HERC3: variants seen among roughly 807,000 people sequenced by gnomAD.
HERC3 encodes the protein HECT and RLD domain containing E3 ubiquitin protein ligase 3.
HERC3 carries 58 observed loss-of-function variants against 129.9 expected under a neutral mutation model. The ratio of observed to expected loss-of-function variants is 0.45; its 90% confidence interval spans 0.36 to 0.56. The LOEUF (loss-of-function observed/expected upper bound fraction) is 0.56, where lower values mean the gene tolerates loss of function less well. HERC3 is among the 20% of genes least tolerant of loss of function. The pLI, the probability that HERC3 is intolerant of heterozygous loss-of-function variation, is 0.00. For synonymous variants in HERC3, 430 were observed against 451.0 expected (o/e 0.95, Z 0.59); for missense variants, 835 against 1,244.2 (o/e 0.67, Z 4.95).
chr4:88,584,871 C>G, the HERC3 span, among the ~76,000 whole-genome samples: 9 of 152,298 alleles, frequency 5.9e-5, no homozygotes, highest in African/African-American at 2.2e-4. Context: ...CCAGTTAATT[C>G]AAGAGGGATC....
At chr4:88,662,118 A>C (rs892237045) in intron 10 of HERC3, among the ~76,000 whole-genome samples, 3 of 152,172 alleles carry the variant, frequency 2.0e-5, no homozygotes, top group Non-Finnish European at 4.4e-5. Flanking sequence ...AGCCAGTCCC[A>C]TGAGGAGCAC....
intron 3 of HERC3, among the ~76,000 whole-genome samples, chr4:88,627,155 G>A (rs565875513): frequency 6.6e-6 from 1 of 151,872 alleles, no homozygotes; most frequent in Non-Finnish European, 1.5e-5. Context: ...TTGACACATG[G>A]GTTATGAGAA....
intron 18 of HERC3, 22 bp downstream of exon 18, chr4:88,676,445 T>C: frequency 6.6e-7 from 1 of 1,505,054 alleles, no homozygotes; most frequent in Non-Finnish European, 9.2e-7. Flanking sequence ...TAGAAATTAT[T>C]TCTTCTTTTT....
At chr4:88,615,704 A>G (rs1016486928) in intron 3 of HERC3, among the ~76,000 whole-genome samples, 2 of 152,194 alleles carry the variant, frequency 1.3e-5, no homozygotes, top group Non-Finnish European at 2.9e-5. Flanking sequence ...AAGATTTAAT[A>G]CATTGCCTAT....
At chr4:88,540,819 G>A in the HERC3 span, among the ~76,000 whole-genome samples, 1 of 152,118 alleles carries the variant, frequency 6.6e-6, no homozygotes, top group Non-Finnish European at 1.5e-5. Context: ...TTTCAATCCA[G>A]AATTTCATAT....
At chr4:88,533,934 T>A in the HERC3 span, among the ~76,000 whole-genome samples, 1 of 151,964 alleles carries the variant, frequency 6.6e-6, no homozygotes, top group Middle Eastern at 3.4e-3. Context: ...TCACCCAGGT[T>A]TCTTAGCTTC....
chr4:88,608,658 C>T (rs1723939667), intron 3 of HERC3, among the ~76,000 whole-genome samples: 1 of 152,158 alleles, frequency 6.6e-6, no homozygotes, highest in Non-Finnish European at 1.5e-5. Flanking sequence ...CATACTGGAA[C>T]AGATTAAAAA....
At chr4:88,622,890 C>T (rs540509276) in intron 3 of HERC3, among the ~76,000 whole-genome samples, 1 of 152,254 alleles carries the variant, frequency 6.6e-6, no homozygotes, top group East Asian at 1.9e-4. Flanking sequence ...AATTGCGTCA[C>T]TGCACTCCAG....
intron 23 of HERC3, chr4:88,692,948 C>T (rs984991061): frequency 6.2e-5 from 61 of 984,872 alleles, no homozygotes; most frequent in Non-Finnish European, 6.7e-5. Context: ...TTCAGGCTGA[C>T]TAGGTAATGT....
At chr4:88,657,525 C>T (rs1730043954) in intron 9 of HERC3, 1 of 152,146 alleles carries the variant, frequency 6.6e-6, no homozygotes, top group South Asian at 2.1e-4. Flanking sequence ...GAAAGTTTAC[C>T]AACTCAGGTG....
chr4:88,571,188 T>C, the HERC3 span, among the ~76,000 whole-genome samples: 2 of 152,156 alleles, frequency 1.3e-5, no homozygotes, highest in Non-Finnish European at 2.9e-5. Context: ...CCTGCCTCAG[T>C]CTCTCAAGTG....
Position 88,625,276 on chromosome 4 carries a change from A to G in HERC3, c.226+19227A>G, listed in dbSNP as rs1050775458. ...AGAATTGCACTGAATCTGTGGATCAATTTGGGGAGAATTTACATTTTAACA... is the reference window on the plus strand; with the variant it reads ...AGAATTGCACTGAATCTGTGGATCAGTTTGGGGAGAATTTACATTTTAACA... On this transcript the variant is annotated intron_variant, in intron 3 of 25. Transcript: ENST00000402738. 7.2e-5 allele frequency among the ~76,000 whole-genome samples: 11 copies of G among 152,288 alleles called. No homozygotes were observed. In the South Asian group the frequency reaches 8.3e-4, roughly 11 times the overall value.
At chr4:88,610,855 A>G (rs934160784) in intron 3 of HERC3, among the ~76,000 whole-genome samples, 1 of 152,230 alleles carries the variant, frequency 6.6e-6, no homozygotes. Flanking sequence ...TGCAGCTCCA[A>G]GGAGCTAATG....
intron 3 of HERC3, among the ~76,000 whole-genome samples, chr4:88,628,479 C>T (rs1273189614): frequency 6.6e-6 from 1 of 151,932 alleles, no homozygotes; most frequent in South Asian, 2.1e-4. Flanking sequence ...CCACATTCAT[C>T]CAACCTGACT....
At chr4:88,643,419 A>G (rs1213527053) in intron 3 of HERC3, among the ~76,000 whole-genome samples, 2 of 152,226 alleles carry the variant, frequency 1.3e-5, no homozygotes, top group East Asian at 3.8e-4. Flanking sequence ...AAGGTAAAGG[A>G]TCTAGAATAC....
At chr4:88,619,045 G>A (rs1386276644) in intron 3 of HERC3, among the ~76,000 whole-genome samples, 1 of 152,130 alleles carries the variant, frequency 6.6e-6, no homozygotes, top group African/African-American at 2.4e-5. Context: ...AGACTGGAGG[G>A]AGCCAGAGAC....
chr4:88,597,144 A>T (rs1349722789), intron 2 of HERC3, among the ~76,000 whole-genome samples: 1 of 152,206 alleles, frequency 6.6e-6, no homozygotes, highest in East Asian at 1.9e-4. Flanking sequence ...ATCTTGGTGC[A>T]TATGTTCATG....
chr4:88,570,840 G>A, the HERC3 span, among the ~76,000 whole-genome samples: 20 of 151,748 alleles, frequency 1.3e-4, no homozygotes, highest in East Asian at 1.9e-4. Context: ...TGCAAGCTCC[G>A]CCTCCCGGGT....
chr4:88,564,405 G>A, the HERC3 span, among the ~76,000 whole-genome samples: 1 of 152,176 alleles, frequency 6.6e-6, no homozygotes, highest in Non-Finnish European at 1.5e-5. Flanking sequence ...GCCATCAAGT[G>A]TCAGGCTAAT....
Sources: gnomAD v4.1 joint callset for allele counts (sites outside exome capture counted in the v4.1 genomes callset) on GRCh38, gnomAD v4.1.1 for gene constraint, MANE v1.5 for transcripts, NCBI Gene and HGNC (gene_info 2026-07-23, HGNC 2026-07-21) for gene names.